NPLOC4: variants seen among roughly 807,000 people sequenced by gnomAD.
The protein encoded by NPLOC4 is nuclear protein localization protein 4 homolog.
In NPLOC4, 18 loss-of-function variants were observed where a neutral mutation model predicts 80.6. The ratio of observed to expected loss-of-function variants is 0.22; its 90% CI spans 0.15 to 0.33. The LOEUF (loss-of-function observed/expected upper bound fraction) is 0.33. NPLOC4 is among the 10% of genes least tolerant of loss of function. NPLOC4 has a pLI of 1.00. For missense variants in NPLOC4, 540 were observed against 786.1 expected (o/e 0.69, Z 3.74); for synonymous variants, 313 against 301.5 (o/e 1.04, Z -0.39).
chr17:81,590,364 C>T (rs975466658), intron 11 of NPLOC4, among the ~76,000 whole-genome samples: 1 of 152,206 alleles, frequency 6.6e-6, no homozygotes, highest in Admixed American at 6.5e-5. Flanking sequence ...CCAGTTAGAC[C>T]AGATCCCTGA....
In NPLOC4 at chr17:81,572,176, A is replaced by C; in HGVS notation, c.1282-88T>G. The stretch of plus-strand genomic sequence containing the variant: ...ACATGCTTGTCTCACCTTTTATTTA[A>C]TTAATTAATTTATTTATTTATTTAT... On this transcript the variant is annotated intron_variant, in intron 12 of 16. Coordinates refer to ENST00000331134, the MANE Select transcript of NPLOC4 (RefSeq NM_017921.4). This position sits in a 1 kb window ranked among gnomAD's most constrained non-coding sequence, Gnocchi z 4.5. 1 of 592,332 alleles carries C rather than the reference A, an allele frequency of 1.7e-6. No homozygotes were observed. Among genetic ancestry groups the C allele is most frequent in the Admixed American group, 3.9e-5 (1 of 25,748 alleles). 36.7% of individuals were successfully genotyped at this position (592,332 alleles called of 1,614,324 possible).
intron 2 of NPLOC4, among the ~76,000 whole-genome samples, chr17:81,624,190 G>A (rs529709268): frequency 1.6e-3 from 242 of 152,298 alleles, no homozygotes; most frequent in Non-Finnish European, 2.9e-3. Context: ...GGAGGCCGAG[G>A]TGGGCGGATC....
intron 12 of NPLOC4, among the ~76,000 whole-genome samples, chr17:81,573,914 C>A (rs1053460775): frequency 1.3e-5 from 2 of 152,224 alleles, no homozygotes; most frequent in African/African-American, 4.8e-5. Context: ...GGGTGAGGGT[C>A]GTGTGTCCTC....
intron 9 of NPLOC4, among the ~76,000 whole-genome samples, chr17:81,597,602 T>C (rs1225156836): frequency 6.6e-6 from 1 of 151,586 alleles, no homozygotes; most frequent in Non-Finnish European, 1.5e-5. Flanking sequence ...CTGACCAACA[T>C]GGAGAAACCC....
At chr17:81,605,679 C>T (rs935577014) in intron 7 of NPLOC4, among the ~76,000 whole-genome samples, 9 of 151,654 alleles carry the variant, frequency 5.9e-5, no homozygotes, top group African/African-American at 2.2e-4. Flanking sequence ...GCCCTTTAGA[C>T]CACTTCAGAG....
At position 81,636,950 on chromosome 17, in the gene NPLOC4, G is replaced by A. The variant is rs751017597; in HGVS notation, c.-20C>T. ...GGCCATGGCGGCTGCTCCTGCCTCC[G>A]GGCTCGAGCCCCGGGCCGCCGCCGC... On this transcript the variant is annotated 5_prime_UTR_variant, in exon 1 of 17. Transcript: ENST00000331134. 1.4e-5 allele frequency: 18 copies of A among 1,323,514 alleles called. 1 individual carries two copies. The highest frequency in any genetic ancestry group is 4.6e-5 in the African/African-American group (3 of 65,906). 82.0% of individuals were successfully genotyped at this position (1,323,514 alleles called of 1,614,324 possible). A position where few individuals can be genotyped will look rare whatever the true frequency, so the allele number is the denominator to read the frequency against.
chr17:81,569,462 T>C (rs899413373), intron 13 of NPLOC4, among the ~76,000 whole-genome samples: 4 of 152,236 alleles, frequency 2.6e-5, no homozygotes, highest in Non-Finnish European at 4.4e-5. Context: ...AAAGGCTGGT[T>C]TGGCCCCTTG....
At chr17:81,584,037 C>T (rs1352918436) in intron 12 of NPLOC4, among the ~76,000 whole-genome samples, 2 of 152,198 alleles carry the variant, frequency 1.3e-5, no homozygotes, top group Non-Finnish European at 2.9e-5. Context: ...GCCCTTGGGA[C>T]AGGGCTTTTC....
chr17:81,620,495 CA>C (rs1337105681), intron 3 of NPLOC4, among the ~76,000 whole-genome samples: 9 of 151,626 alleles, frequency 5.9e-5, no homozygotes, highest in Non-Finnish European at 1.0e-4. Context: ...GACTCCGTCT[CA>C]AAAAAAATAA....
chr17:81,631,293 T>C (rs6565611), intron 1 of NPLOC4, among the ~76,000 whole-genome samples: 93,140 of 151,152 alleles, frequency 0.62, 30,721 homozygotes, highest in East Asian at 0.99. Flanking sequence ...ACCTATAATC[T>C]GTGCACTTCA....
intron 11 of NPLOC4, among the ~76,000 whole-genome samples, chr17:81,594,592 G>C (rs1278090331): frequency 6.6e-6 from 1 of 151,858 alleles, no homozygotes; most frequent in Non-Finnish European, 1.5e-5. Flanking sequence ...TGGCTAGCAT[G>C]GTGAAACCCC....
chr17:81,569,918 C>T (rs77888432), intron 13 of NPLOC4, among the ~76,000 whole-genome samples: 3,579 of 152,298 alleles, frequency 0.024, 138 homozygotes, highest in African/African-American at 0.082. Context: ...AAAGCAGCAC[C>T]GAGTTGAGTT....
At chr17:81,561,913 C>T (rs1049467920) in intron 16 of NPLOC4, 2 of 152,158 alleles carry the variant, frequency 1.3e-5, no homozygotes, top group African/African-American at 4.8e-5. Context: ...CATAGTTTTA[C>T]CTTTTACCAT....
intron 10 of NPLOC4, 138 bp from the exon 11 acceptor site, chr17:81,596,380 G>T: frequency 1.1e-6 from 1 of 943,858 alleles, no homozygotes; most frequent in Non-Finnish European, 1.5e-6. Context: ...GGTGGAGGCG[G>T]GAGGTCCACT....
chr17:81,605,853 G>A (rs141299644), intron 7 of NPLOC4, among the ~76,000 whole-genome samples: 11,851 of 145,976 alleles, frequency 0.081, 549 homozygotes, highest in Middle Eastern at 0.18. Context: ...ACGGAGTCTC[G>A]CTCTGTCACC....
At chr17:81,636,505 G>C (rs116224704) in intron 1 of NPLOC4, 2,757 of 162,306 alleles carry the variant, frequency 0.017, 77 homozygotes, top group African/African-American at 0.062. Flanking sequence ...CAGGAGGAGA[G>C]AATCAGAGGG....
chr17:81,584,066 T>C (rs928441666), intron 12 of NPLOC4, among the ~76,000 whole-genome samples: 3 of 152,362 alleles, frequency 2.0e-5, no homozygotes, highest in Middle Eastern at 3.4e-3. Context: ...CCCATTTTTA[T>C]TGCCAGAGAC....
Position 81,622,197 on chromosome 17 carries a change from A to G in NPLOC4, c.178T>C (p.Ser60Pro). The change falls in exon 3 of 17, where the codon TCC becomes CCC. Residue 60 changes from serine (S) to proline (P), a missense_variant. By Grantham distance (74) the Ser-to-Pro change is moderately conservative (BLOSUM62 -1). Around this residue, in one of 6 missense-constraint regions of NPLOC4, gnomAD observed 62 missense variants for 84.4 expected, o/e 0.73. Coordinates refer to ENST00000331134, the MANE Select transcript of NPLOC4 (RefSeq NM_017921.4). ...TTTAGCAAGTTGAGGGATTTGTTGG[A>G]GGAGGCTGTTATCTCTCCGGTCTTG... ...RNKTGEITASSNKSLNLLKIK... is the reference protein window; with the variant it reads ...RNKTGEITASPNKSLNLLKIK... 2 of 1,613,398 alleles carry G rather than the reference A, an allele frequency of 1.2e-6. No homozygotes were observed. The highest frequency in any genetic ancestry group is 8.5e-7 in the Non-Finnish European group (1 of 1,179,390).
At chr17:81,601,536 T>C (rs1366363182) in intron 8 of NPLOC4, among the ~76,000 whole-genome samples, 1 of 152,196 alleles carries the variant, frequency 6.6e-6, no homozygotes, top group Non-Finnish European at 1.5e-5. Flanking sequence ...GGATTATAGA[T>C]GTGAGCCACC....
Sources: allele counts gnomAD v4.1 joint callset (sites outside exome capture counted in the v4.1 genomes callset), GRCh38; gene constraint gnomAD v4.1.1; regional missense constraint gnomAD v4.1.1; non-coding constraint Gnocchi (gnomAD v3.1); transcripts MANE v1.5; gene names NCBI Gene and HGNC (gene_info 2026-07-23, HGNC 2026-07-21).